The following ABCF2 variants were observed in gnomAD, a reference collection of about 807,000 sequenced individuals.
ABCF2 encodes ATP binding cassette subfamily F member 2.
ABCF2 carries 37 observed loss-of-function variants against 76.9 expected under a neutral mutation model. That is an observed-to-expected ratio of 0.48 (90% CI 0.37 to 0.63). ABCF2 has a LOEUF of 0.63. Among genes scored for constraint, ABCF2 ranks in the 30% least tolerant of loss-of-function variants. ABCF2 has a pLI of 0.00. For synonymous variants in ABCF2, 299 were observed against 283.7 expected, an observed-to-expected ratio of 1.05 and a Z score of -0.54; for missense variants, 524 against 782.1, an observed-to-expected ratio of 0.67 and a Z score of 3.94.
chr7:151,218,537 A>G (rs779848869), intron 10 of ABCF2, 24 bp downstream of exon 10: 7 of 1,600,598 alleles, frequency 4.4e-6, no homozygotes, highest in Non-Finnish European at 6.0e-6. Flanking sequence ...CACCCCAGCC[A>G]CCCATGCCCT....
At chr7:151,225,604 G>T (rs186962626) in intron 2 of ABCF2, among the ~76,000 whole-genome samples, 2 of 152,352 alleles carry the variant, frequency 1.3e-5, no homozygotes, top group Admixed American at 1.3e-4. Context: ...ATAATTCAGT[G>T]TGTGAAAGGA....
intron 1 of ABCF2, 156 bp from the exon 2 acceptor site, chr7:151,226,656 C>T (rs2150577493): frequency 1.8e-6 from 1 of 551,190 alleles, no homozygotes; most frequent in East Asian, 3.3e-5. Flanking sequence ...TCAGGGTATC[C>T]CAAACCAATG....
chr7:151,215,877 G>T lies in ABCF2; in HGVS notation c.1401+90C>A, dbSNP rs1368479088. ...GCCACCTAGGCTGGAATTCCTGCCA[G>T]GGGGTGGGGGCGGCTGGCTGGAACT... On this transcript the variant is annotated intron_variant, in intron 12 of 14. Transcript: ENST00000287844. This position sits in a 1 kb window ranked among gnomAD's most constrained non-coding sequence, Gnocchi z 4.6. 2.3e-5 allele frequency: 36 copies of T among 1,583,766 alleles called. No individual in the cohort carries two copies. The highest frequency in any genetic ancestry group is 9.0e-5 in the South Asian group (8 of 89,174).
At chr7:151,225,286 C>T (rs1174353099) in intron 2 of ABCF2, among the ~76,000 whole-genome samples, 6 of 152,224 alleles carry the variant, frequency 3.9e-5, no homozygotes, top group Non-Finnish European at 8.8e-5. Context: ...CTAAGTCCCC[C>T]TTTTCTGAAC....
Position 151,213,450 on chromosome 7 carries a change from G to C in ABCF2, c.*604C>G. 3 of 985,606 alleles carry C rather than the reference G, an allele frequency of 3.0e-6. No individual in the cohort carries two copies. The highest frequency in any genetic ancestry group is 3.6e-6 in the Non-Finnish European group (3 of 830,060). 61.1% of individuals were successfully genotyped at this position (985,606 alleles called of 1,614,324 possible). ...GGATCCAGCTCCTGCTGTGGGCAGT[G>C]CATGTTGGCACTGCAGGGAGGAGAA... On this transcript the variant is annotated 3_prime_UTR_variant, in exon 15 of 15. Transcript: ENST00000287844.
In ABCF2 at chr7:151,215,095, G is replaced by A. The variant is rs773520412; in HGVS notation, c.1531-13C>T. 43 of 1,607,312 alleles carry A rather than the reference G, an allele frequency of 2.7e-5. No individual in the cohort carries two copies. Among genetic ancestry groups the A allele is most frequent in the Admixed American group, 5.1e-5 (3 of 59,012 alleles). On this transcript the variant is annotated splice_polypyrimidine_tract_variant and intron_variant, in intron 13 of 14. Coordinates refer to ENST00000287844, the MANE Select transcript of ABCF2 (RefSeq NM_007189.3). The surrounding 1 kb of genome is among the most constrained non-coding windows in gnomAD (Gnocchi z 4.6). The stretch of plus-strand genomic sequence containing the variant: ...GGATTGGGCTCACCTGAGTAGAACC[G>A]TGACCTACATATAACTTGGCATTAT...
chr7:151,218,475 G>A (rs112959189), intron 10 of ABCF2, 86 bp downstream of exon 10: 1 of 1,216,974 alleles, frequency 8.2e-7, no homozygotes, highest in African/African-American at 1.5e-5. Context: ...TAGCAGGTGT[G>A]GTCAGCACAG....
chr7:151,212,124 TA>T lies in ABCF2; in HGVS notation c.*1929del. 1 of 985,238 alleles carries T rather than the reference TA, an allele frequency of 1.0e-6. No homozygotes were observed. The highest frequency in any genetic ancestry group is 1.2e-6 in the Non-Finnish European group (1 of 829,714). The allele number at this position is 985,238 out of a possible 1,614,324, so 61.0% of individuals were successfully genotyped here. On this transcript the variant is annotated 3_prime_UTR_variant, in exon 15 of 15. Transcript: ENST00000287844. ...GAAGATCATGAGCTCCTAAGGGGTT[TA>T]AGCACCATCTGGGACAGTTGCTCCC...
chr7:151,225,100 C>A, intron 2 of ABCF2, 112 bp from the exon 3 acceptor site: 1 of 950,916 alleles, frequency 1.1e-6, no homozygotes, highest in East Asian at 2.4e-5. Flanking sequence ...CAGATGTTTC[C>A]CAAACTTTAC....
At chr7:151,217,791 CA>C (rs376651941) in intron 11 of ABCF2, among the ~76,000 whole-genome samples, 5,422 of 131,432 alleles carry the variant, frequency 0.041, 281 homozygotes, top group African/African-American at 0.13. Context: ...GACTCCACCT[CA>C]AAAAAAAAAA....
chr7:151,218,990 T>C, intron 8 of ABCF2, 74 bp downstream of exon 8: 1 of 1,610,378 alleles, frequency 6.2e-7, no homozygotes. Context: ...CTACCGCTTC[T>C]CGAAATGCCC....
At chr7:151,219,502 C>T (rs906000522) in intron 7 of ABCF2, among the ~76,000 whole-genome samples, 1 of 152,130 alleles carries the variant, frequency 6.6e-6, no homozygotes, top group Non-Finnish European at 1.5e-5. Context: ...ATTCCTTCCC[C>T]GTTCCCTAGA....
In ABCF2 at chr7:151,215,544, AC is replaced by A. The variant is rs1212087904; in HGVS notation, c.1530+59del. 6.2e-7 allele frequency: 1 copy of A among 1,602,852 alleles called. No individual in the cohort carries two copies. ...CAGGCTGCCAGGACAGTATCCCCTG[AC>A]CCACCCAGCCACAGTCTGCCAGCTA... is the stretch of plus-strand genomic sequence containing the variant. On this transcript the variant is annotated intron_variant, in intron 13 of 14. Transcript: ENST00000287844. The surrounding 1 kb of genome is among the most constrained non-coding windows in gnomAD (Gnocchi z 4.6).
Position 151,214,805 on chromosome 7 carries a change from C to G in ABCF2, c.1734+74G>C. The G allele has an allele frequency of 6.9e-7, 1 of 1,443,670 alleles. No individual in the cohort carries two copies. Among genetic ancestry groups the G allele is most frequent in the Non-Finnish European group, 9.7e-7 (1 of 1,030,208 alleles). The allele number at this position is 1,443,670 out of a possible 1,614,324, so 89.4% of individuals were successfully genotyped here. A position where few individuals can be genotyped will look rare whatever the true frequency, so the allele number is the denominator to read the frequency against. On this transcript the variant is annotated intron_variant, in intron 14 of 14. Transcript: ENST00000287844. This position sits in a 1 kb window ranked among gnomAD's most constrained non-coding sequence, Gnocchi z 4.9. The stretch of plus-strand genomic sequence containing the variant: ...ATTCAGTAGGCGGGTATTATGCACC[C>G]TCCACATGCCATGACTACCCTACCC...
chr7:151,223,569 C>T, intron 5 of ABCF2, 109 bp downstream of exon 5: 2 of 1,288,672 alleles, frequency 1.6e-6, no homozygotes, highest in Non-Finnish European at 2.1e-6. Flanking sequence ...GTCCATGTCT[C>T]ATTTGACACT....
Position 151,213,974 on chromosome 7 carries a change from G to T in ABCF2, c.*80C>A, listed in dbSNP as rs1284019150. On this transcript the variant is annotated 3_prime_UTR_variant, in exon 15 of 15. Transcript: ENST00000287844. ...CAGCAATGCAGGAGTGTAGCCCCAG[G>T]GTCCTGTCCTGAGCGGCTGGTCAGG... 6.4e-7 allele frequency: 1 copy of T among 1,572,488 alleles called. No individual in the cohort carries two copies. Among genetic ancestry groups the T allele is most frequent in the South Asian group, 1.2e-5 (1 of 84,304 alleles).
Position 151,223,719 on chromosome 7 carries a change from T to C in ABCF2, c.681A>G (p.Lys227=), listed in dbSNP as rs757024818. 27 of 1,611,342 alleles carry C rather than the reference T, an allele frequency of 1.7e-5. No homozygotes were observed. The highest frequency in any genetic ancestry group is 6.7e-5 in the Admixed American group (4 of 59,886). Residue 227 remains lysine (K), a synonymous_variant, in exon 5 of 15, where the codon AAA becomes AAG. Transcript: ENST00000287844. ...FTPAMQRKKL[K]DFSGGWRMRV... is the part of the protein sequence containing the mutation. Reference sequence around the variant, plus strand: ...TCATCCTCCAGCCCCCACTGAAGTCTTTTAGCTTCTTGCGCTGCATGGCAG... The same window carrying C: ...TCATCCTCCAGCCCCCACTGAAGTCCTTTAGCTTCTTGCGCTGCATGGCAG...
chr7:151,224,077 T>C lies in ABCF2; in HGVS notation c.405A>G (p.Glu135=), dbSNP rs773817660. 8.7e-6 allele frequency: 14 copies of C among 1,614,186 alleles called. No individual in the cohort carries two copies. The highest frequency in any genetic ancestry group is 1.1e-5 in the Non-Finnish European group (13 of 1,180,028). Residue 135 remains glutamate, a synonymous_variant, in exon 4 of 15, where the codon GAA becomes GAG. Coordinates refer to ENST00000287844, the MANE Select transcript of ABCF2 (RefSeq NM_007189.3). ...TGTCGATGTGCTCAGGGATGGGCAC[T>C]TCACGCTTCCCAATAGCAGAGAGCA... The part of the protein sequence containing the change: ...SMLLSAIGKR[E]VPIPEHIDIY...
At chr7:151,218,353 C>T (rs1802195011) in intron 10 of ABCF2, among the ~76,000 whole-genome samples, 162 bp from the exon 11 acceptor site, 1 of 152,182 alleles carries the variant, frequency 6.6e-6, no homozygotes, top group Admixed American at 6.5e-5. Flanking sequence ...TGCCTCCGCC[C>T]ACCAACCCAG....
Sources: gnomAD v4.1 joint callset for allele counts (sites outside exome capture counted in the v4.1 genomes callset) on GRCh38, gnomAD v4.1.1 for gene constraint, Gnocchi (gnomAD v3.1) non-coding constraint, MANE v1.5 for transcripts, NCBI Gene and HGNC (gene_info 2026-07-23, HGNC 2026-07-21) for gene names.